The following C12orf54 variants were observed in gnomAD, a reference collection of about 807,000 sequenced individuals.
C12orf54 encodes chromosome 12 open reading frame 54.
In C12orf54, 24 loss-of-function variants were observed where a neutral mutation model predicts 26.4. The observed-to-expected ratio is 0.91, with a 90% CI of 0.66 to 1.28. C12orf54 has a LOEUF of 1.28. Among genes scored for constraint, C12orf54 ranks in the 50% most tolerant of loss-of-function variants. C12orf54 has a pLI of 0.00. For synonymous variants in C12orf54, 54 were observed against 47.0 expected, an observed-to-expected ratio of 1.15 and a Z score of -0.61; for missense variants, 154 against 150.9, an observed-to-expected ratio of 1.02 and a Z score of -0.11.
the C12orf54 span, among the ~76,000 whole-genome samples, chr12:48,415,573 T>G: frequency 2.6e-5 from 4 of 152,296 alleles, no homozygotes; most frequent in African/African-American, 9.6e-5. Context: ...ATTTTCCTCC[T>G]TGTTCAATGG....
intron 6 of C12orf54, 102 bp downstream of exon 6, chr12:48,490,938 A>C: frequency 6.4e-6 from 9 of 1,398,854 alleles, no homozygotes; most frequent in Non-Finnish European, 8.1e-6. Context: ...AAATGGAGAT[A>C]AGAAGTGAGA....
the C12orf54 span, among the ~76,000 whole-genome samples, chr12:48,414,032 C>A: frequency 6.6e-6 from 1 of 152,162 alleles, no homozygotes; most frequent in Non-Finnish European, 1.5e-5. Context: ...AGCCTTTTGT[C>A]CAAAATCTGA....
chr12:48,486,701 C>T lies in C12orf54; in HGVS notation c.110C>T (p.Thr37Ile). 1 of 1,613,190 alleles carries T rather than the reference C, an allele frequency of 6.2e-7. No individual in the cohort carries two copies. The highest frequency in any genetic ancestry group is 8.5e-7 in the Non-Finnish European group (1 of 1,179,168). ...ETMRPQEKQVTITETLWDQVL... is the reference protein window; with the variant it reads ...ETMRPQEKQVIITETLWDQVL... ...TTATTTCTACAGGAAAAACAGGTAA[C>T]CATCACTGAAACCCTGTGGGACCAG... The change falls in exon 4 of 9, where the codon ACC (threonine) becomes ATC (isoleucine). Residue 37 changes from threonine to isoleucine, a missense_variant. Coordinates refer to ENST00000548364, the MANE Select transcript of C12orf54 (RefSeq NM_152319.4).
chr12:48,423,715 C>A, the C12orf54 span, among the ~76,000 whole-genome samples: 1 of 152,048 alleles, frequency 6.6e-6, no homozygotes, highest in South Asian at 2.1e-4. Flanking sequence ...GTACTTTGTA[C>A]CTTGTGACTC....
At chr12:48,450,963 C>T in the C12orf54 span, among the ~76,000 whole-genome samples, 232 of 152,252 alleles carry the variant, frequency 1.5e-3, 1 homozygote, top group Non-Finnish European at 2.8e-3. Flanking sequence ...GGGACTCCTT[C>T]CTAGCTCATT....
At chr12:48,428,549 A>G in the C12orf54 span, among the ~76,000 whole-genome samples, 2 of 152,132 alleles carry the variant, frequency 1.3e-5, no homozygotes, top group African/African-American at 4.8e-5. Flanking sequence ...AACTTTATCC[A>G]CACAAACTAG....
At chr12:48,493,373 C>T (rs1240462144) in intron 7 of C12orf54, among the ~76,000 whole-genome samples, 1 of 152,176 alleles carries the variant, frequency 6.6e-6, no homozygotes, top group South Asian at 2.1e-4. Flanking sequence ...GGGTGGTTCA[C>T]GCGTATAATC....
At chr12:48,472,820 A>G in the C12orf54 span, 1 of 1,614,202 alleles carries the variant, frequency 6.2e-7, no homozygotes, top group Non-Finnish European at 8.5e-7. Context: ...CAATCAACAT[A>G]GGCCTCACCT....
the C12orf54 span, among the ~76,000 whole-genome samples, chr12:48,439,504 T>C: frequency 2.6e-5 from 4 of 152,128 alleles, no homozygotes; most frequent in African/African-American, 9.7e-5. Context: ...AACCCAAATG[T>C]CCAACAATGA....
At chr12:48,472,987 C>T in the C12orf54 span, 5 of 1,614,074 alleles carry the variant, frequency 3.1e-6, no homozygotes, top group East Asian at 1.1e-4. Context: ...ACAATAGAGC[C>T]CCTGAAAAAG....
the C12orf54 span, among the ~76,000 whole-genome samples, chr12:48,418,925 GA>G: frequency 0.38 from 51,357 of 134,408 alleles, 10,008 homozygotes; most frequent in Middle Eastern, 0.55. Context: ...ATTTTCTCCA[GA>G]AAAAAAAAAA....
upstream of C12orf54, among the ~76,000 whole-genome samples, chr12:48,482,082 TGG>T (rs1954204485): frequency 6.6e-6 from 1 of 152,240 alleles, no homozygotes; most frequent in Non-Finnish European, 1.5e-5. Context: ...TAAATCTAAA[TGG>T]TTTTAAATCC....
At chr12:48,434,950 A>T in the C12orf54 span, among the ~76,000 whole-genome samples, 6 of 152,226 alleles carry the variant, frequency 3.9e-5, no homozygotes, top group Non-Finnish European at 7.3e-5. Context: ...GCTTCAGAAG[A>T]TCAAACTACT....
the C12orf54 span, among the ~76,000 whole-genome samples, chr12:48,469,369 A>T: frequency 2.9e-3 from 438 of 152,290 alleles, 2 homozygotes; most frequent in African/African-American, 9.9e-3. Context: ...GAATTCCGCG[A>T]TATTTCCTAT....
At chr12:48,448,927 A>C in the C12orf54 span, among the ~76,000 whole-genome samples, 1 of 152,218 alleles carries the variant, frequency 6.6e-6, no homozygotes, top group Non-Finnish European at 1.5e-5. Flanking sequence ...ACATCAATCA[A>C]ATACAAATTT....
the C12orf54 span, among the ~76,000 whole-genome samples, chr12:48,421,824 CCAGCCAG>C: frequency 1.3e-5 from 2 of 152,198 alleles, no homozygotes; most frequent in Non-Finnish European, 2.9e-5. Context: ...GCCACTGTGC[CCAGCCAG>C]CATTTTGAAT....
Position 48,495,055 on chromosome 12 carries a change from G to A in C12orf54, c.*40+76G>A, listed in dbSNP as rs1208900814. 6.1e-6 allele frequency: 7 copies of A among 1,141,246 alleles called. No homozygotes were observed. In the Admixed American group the frequency reaches 1.5e-4, roughly 25 times the overall value. 70.7% of individuals were successfully genotyped at this position (1,141,246 alleles called of 1,614,324 possible). ...GTAGTCAGGAACCCAGGCCTCTTAG[G>A]CCCTCATCCCAACATGGCAGGGCAG... On this transcript the variant is annotated intron_variant, in intron 8 of 8. Transcript: ENST00000548364.
chr12:48,466,369 C>T, the C12orf54 span, among the ~76,000 whole-genome samples: 1 of 152,138 alleles, frequency 6.6e-6, no homozygotes, highest in South Asian at 2.1e-4. Flanking sequence ...CATAGTGAAA[C>T]CCAGCTCTAA....
At chr12:48,449,782 C>T in the C12orf54 span, among the ~76,000 whole-genome samples, 1 of 152,002 alleles carries the variant, frequency 6.6e-6, no homozygotes, top group Non-Finnish European at 1.5e-5. Context: ...AAAATTGTTC[C>T]ATGATATGAT....
Sources: gnomAD v4.1 joint callset for allele counts (sites outside exome capture counted in the v4.1 genomes callset) on GRCh38, gnomAD v4.1.1 for gene constraint, MANE v1.5 for transcripts, NCBI Gene and HGNC (gene_info 2026-07-23, HGNC 2026-07-21) for gene names.